Variants in ZMYM3 observed in about 807,000 individuals in gnomAD.
ZMYM3 encodes the protein zinc finger MYM-type containing 3.
ZMYM3 carries 6 observed loss-of-function variants against 94.2 expected under a neutral mutation model. The ratio of observed to expected loss-of-function variants is 0.06; its 90% CI spans 0.03 to 0.13. The LOEUF is 0.13. ZMYM3 is among the 10% of genes least tolerant of loss of function. ZMYM3 has a pLI of 1.00. For synonymous variants in ZMYM3, 420 were observed against 426.5 expected, an observed-to-expected ratio of 0.98 and a Z score of 0.19; for missense variants, 664 against 1,132.6, an observed-to-expected ratio of 0.59 and a Z score of 5.94.
chrX:71,242,127 G>A lies in ZMYM3; in HGVS notation c.3802+43C>T, dbSNP rs201332395. 2.7e-5 allele frequency: 31 copies of A among 1,151,927 alleles called. No individual in the cohort carries two copies. The East Asian group carries it at 9.8e-4, about 36-fold the overall frequency. The allele number at this position is 1,151,927 out of a possible 1,213,427, so 94.9% of individuals were successfully genotyped here. On this transcript the variant is annotated intron_variant, in intron 23 of 24. Coordinates refer to ENST00000314425, the MANE Select transcript of ZMYM3 (RefSeq NM_201599.3). ...TTATGGCAGGGCATGGAAGGGGAAG[G>A]CAGAGAAGGGGCAAAAGCACAGGGG...
intron 16 of ZMYM3, 48 bp from the exon 17 acceptor site, chrX:71,245,890 G>A: frequency 8.3e-7 from 1 of 1,197,836 alleles, no homozygotes; most frequent in Non-Finnish European, 1.1e-6. Flanking sequence ...ACCAGCAGTT[G>A]GGGGGAAGTT....
Sources: allele counts gnomAD v4.1 joint callset, GRCh38; gene constraint gnomAD v4.1.1; transcripts MANE v1.5; gene names NCBI Gene and HGNC (gene_info 2026-07-23, HGNC 2026-07-21).